The following IMMP2L variants were observed in gnomAD, a reference collection of about 807,000 sequenced individuals.
IMMP2L encodes the protein mitochondrial inner membrane protease subunit 2.
A neutral mutation model predicts 19.3 loss-of-function variants in IMMP2L; 18 were observed. The observed-to-expected ratio is 0.93, with a 90% CI of 0.64 to 1.38. The LOEUF (loss-of-function observed/expected upper bound fraction) is 1.38. IMMP2L is among the 40% of genes most tolerant of loss of function. The pLI, the probability that IMMP2L is intolerant of heterozygous loss-of-function variation, is 0.00. For synonymous variants in IMMP2L, 76 were observed against 73.0 expected, an observed-to-expected ratio of 1.04 and a Z score of -0.21; for missense variants, 233 against 218.2, an observed-to-expected ratio of 1.07 and a Z score of -0.43.
At chr7:111,061,828 T>A (rs1387894992) in intron 3 of IMMP2L, among the ~76,000 whole-genome samples, 1 of 152,244 alleles carries the variant, frequency 6.6e-6, no homozygotes, top group African/African-American at 2.4e-5. Context: ...TTCCTATGAT[T>A]CTTCCATTAA....
Position 110,716,982 on chromosome 7 carries a change from T to C in IMMP2L, c.409-53261A>G, listed in dbSNP as rs530119032. Reference sequence around the variant, plus strand: ...TTTAGAAATGTGGAATTACATTTCATGATAGATGTCTGGAATGAAGAAATA... The same window carrying C: ...TTTAGAAATGTGGAATTACATTTCACGATAGATGTCTGGAATGAAGAAATA... On this transcript the variant is annotated intron_variant, in intron 5 of 5. Coordinates refer to ENST00000405709, the MANE Select transcript of IMMP2L (RefSeq NM_032549.4). Among the ~76,000 whole-genome samples the C allele has an allele frequency of 2.6e-5, 4 of 152,298 alleles. No homozygotes were observed. The South Asian group carries it at 8.3e-4, about 32-fold the overall frequency.
chr7:111,172,371 C>T (rs1402023738), intron 3 of IMMP2L, among the ~76,000 whole-genome samples: 1 of 151,364 alleles, frequency 6.6e-6, no homozygotes, highest in Non-Finnish European at 1.5e-5. Flanking sequence ...TTAATTGATA[C>T]ATAATAATTA....
chr7:111,098,448 G>A (rs1797627890), intron 3 of IMMP2L, among the ~76,000 whole-genome samples: 1 of 151,636 alleles, frequency 6.6e-6, no homozygotes, highest in African/African-American at 2.4e-5. Flanking sequence ...ACCATAATAT[G>A]CTGCTGTTGG....
intron 3 of IMMP2L, among the ~76,000 whole-genome samples, chr7:111,408,015 A>G (rs1208889523): frequency 6.6e-6 from 1 of 151,986 alleles, no homozygotes; most frequent in African/African-American, 2.4e-5. Flanking sequence ...CAGAGATGAG[A>G]TAACTCAGGC....
chr7:111,041,160 G>A (rs1395946894), intron 3 of IMMP2L, among the ~76,000 whole-genome samples: 1 of 151,826 alleles, frequency 6.6e-6, no homozygotes, highest in Non-Finnish European at 1.5e-5. Flanking sequence ...TTAAATTATT[G>A]TTTTCCTGGG....
At chr7:111,193,102 G>C (rs977880701) in intron 3 of IMMP2L, among the ~76,000 whole-genome samples, 3 of 152,142 alleles carry the variant, frequency 2.0e-5, no homozygotes, top group African/African-American at 7.2e-5. Flanking sequence ...TGGGAGAACA[G>C]AGAGAAAGGA....
intron 3 of IMMP2L, among the ~76,000 whole-genome samples, chr7:111,341,807 T>A (rs995595668): frequency 4.6e-5 from 7 of 151,808 alleles, no homozygotes; most frequent in Admixed American, 3.9e-4. Context: ...TAATGGGAGG[T>A]GTTTAGGTCA....
chr7:111,452,112 G>C (rs563337090), intron 3 of IMMP2L, among the ~76,000 whole-genome samples: 1 of 151,804 alleles, frequency 6.6e-6, no homozygotes, highest in South Asian at 2.1e-4. Context: ...TCTAGTAACA[G>C]TTACATATTA....
At chr7:111,498,803 T>C (rs1443473439) in intron 2 of IMMP2L, among the ~76,000 whole-genome samples, 1 of 152,038 alleles carries the variant, frequency 6.6e-6, no homozygotes, top group East Asian at 1.9e-4. Context: ...AAAGAACCAG[T>C]CAGCATCCTA....
At chr7:111,066,582 T>A (rs1423751693) in intron 3 of IMMP2L, among the ~76,000 whole-genome samples, 2 of 152,212 alleles carry the variant, frequency 1.3e-5, no homozygotes, top group African/African-American at 4.8e-5. Context: ...TGTTAAGAAT[T>A]AAGTAATTCT....
chr7:111,394,580 A>G (rs1043915040), intron 3 of IMMP2L, among the ~76,000 whole-genome samples: 6 of 152,136 alleles, frequency 3.9e-5, no homozygotes, highest in African/African-American at 1.4e-4. Flanking sequence ...GTGCTAAATG[A>G]CTTAGCTCAG....
In IMMP2L at chr7:110,963,560, G is replaced by C; in HGVS notation, c.245C>G (p.Pro82Arg). Residue 82 changes from proline to arginine, a missense_variant, in exon 4 of 6, where the codon CCT becomes CGT. Transcript: ENST00000405709. ...HRGDIVSLVSPKNPEQKIIKR... is the reference protein window; with the variant it reads ...HRGDIVSLVSRKNPEQKIIKR... ...AATGATCTTCTGTTCTGGGTTTTTA[G>C]GAGACCTAGAACAAGAAGATAACAT... The C allele has an allele frequency of 6.3e-7, 1 of 1,584,982 alleles. No individual in the cohort carries two copies. The highest frequency in any genetic ancestry group is 8.6e-7 in the Non-Finnish European group (1 of 1,156,246).
intron 3 of IMMP2L, chr7:111,122,449 CA>C: frequency 4.7e-6 from 1 of 211,672 alleles, no homozygotes; most frequent in South Asian, 1.6e-4. Context: ...ACTGAAGAAG[CA>C]TGGGATTTAA....
chr7:111,059,051 C>A (rs1014849623), intron 3 of IMMP2L, among the ~76,000 whole-genome samples: 2 of 151,960 alleles, frequency 1.3e-5, no homozygotes, highest in African/African-American at 4.8e-5. Flanking sequence ...GGCGCAATCT[C>A]GGCTCACTGC....
chr7:111,007,489 C>A (rs1321052316), intron 3 of IMMP2L, among the ~76,000 whole-genome samples: 1 of 152,232 alleles, frequency 6.6e-6, no homozygotes. Flanking sequence ...TCTCTTGCCT[C>A]ATCAGCTGTA....
intron 3 of IMMP2L, among the ~76,000 whole-genome samples, chr7:111,121,496 C>T (rs933952931): frequency 6.6e-6 from 1 of 152,124 alleles, no homozygotes; most frequent in Non-Finnish European, 1.5e-5. Context: ...TCATCACTGG[C>T]CATCAGAGAA....
At chr7:111,299,446 T>A (rs1250934519) in intron 3 of IMMP2L, among the ~76,000 whole-genome samples, 1 of 151,890 alleles carries the variant, frequency 6.6e-6, no homozygotes, top group Non-Finnish European at 1.5e-5. Flanking sequence ...TAAATAATCT[T>A]CAAAATGCAA....
intron 2 of IMMP2L, among the ~76,000 whole-genome samples, chr7:111,489,188 C>T (rs1034010474): frequency 4.0e-5 from 6 of 151,672 alleles, no homozygotes; most frequent in African/African-American, 9.7e-5. Flanking sequence ...GGACTAGAGG[C>T]GCCTGCCATC....
intron 3 of IMMP2L, among the ~76,000 whole-genome samples, chr7:111,081,410 T>A (rs1795878537): frequency 6.6e-6 from 1 of 152,252 alleles, no homozygotes; most frequent in Non-Finnish European, 1.5e-5. Context: ...AATAAACTTG[T>A]ACTTGCTTAT....
Sources: allele counts gnomAD v4.1 joint callset (sites outside exome capture counted in the v4.1 genomes callset), GRCh38; gene constraint gnomAD v4.1.1; transcripts MANE v1.5; gene names NCBI Gene and HGNC (gene_info 2026-07-23, HGNC 2026-07-21).